The following UBE2G2 variants were observed in gnomAD, a reference collection of about 807,000 sequenced individuals.
UBE2G2 encodes the protein ubiquitin conjugating enzyme E2 G2.
Under a neutral mutation model 23.0 loss-of-function variants are expected in UBE2G2, and 10 were observed. The observed-to-expected ratio is 0.43, with a 90% confidence interval of 0.27 to 0.74. UBE2G2 has a LOEUF of 0.74. UBE2G2 is among the 30% of genes least tolerant of loss of function. UBE2G2 has a pLI of 0.19. For missense variants in UBE2G2, 150 were observed against 218.3 expected, an observed-to-expected ratio of 0.69 and a Z score of 1.97; for synonymous variants, 86 against 81.3, an observed-to-expected ratio of 1.06 and a Z score of -0.31.
At chr21:44,785,293 A>G (rs1193855830) in intron 3 of UBE2G2, among the ~76,000 whole-genome samples, 2 of 152,200 alleles carry the variant, frequency 1.3e-5, no homozygotes, top group Non-Finnish European at 2.9e-5. Flanking sequence ...TGAGCGTGGC[A>G]GGGTCAGCAG....
chr21:44,784,175 G>C (rs1461270178), intron 3 of UBE2G2, among the ~76,000 whole-genome samples: 2 of 151,898 alleles, frequency 1.3e-5, no homozygotes, highest in African/African-American at 4.8e-5. Flanking sequence ...GGGAGGGGAG[G>C]GGAGGGGAGG....
At chr21:44,781,118 T>C (rs1297894684) in intron 3 of UBE2G2, among the ~76,000 whole-genome samples, 1 of 152,192 alleles carries the variant, frequency 6.6e-6, no homozygotes, top group African/African-American at 2.4e-5. Flanking sequence ...TGATAAAGAA[T>C]TAAAATCACA....
At chr21:44,787,788 G>C (rs2083007800) in intron 3 of UBE2G2, 132 bp downstream of exon 3, 5 of 957,338 alleles carry the variant, frequency 5.2e-6, no homozygotes, top group Non-Finnish European at 7.8e-6. Flanking sequence ...GCCTAGACGA[G>C]AGCTGGGCAT....
intron 3 of UBE2G2, among the ~76,000 whole-genome samples, chr21:44,777,734 G>C (rs1444524247): frequency 1.3e-5 from 2 of 152,146 alleles, no homozygotes; most frequent in African/African-American, 4.8e-5. Context: ...TCTGAGCCTG[G>C]GAGGTGGAGG....
At position 44,801,781 on chromosome 21, in the gene UBE2G2, C is replaced by T. The variant is rs2146413600; in HGVS notation, c.-33G>A. On this transcript the variant is annotated 5_prime_UTR_variant, in exon 1 of 6. Transcript: ENST00000345496. ...CAACAGCTGCGCCGAGCGACCTCGC[C>T]TCAGCCGCGCGCGTGCCTCCTGCCC... 4 of 1,506,804 alleles carry T rather than the reference C, an allele frequency of 2.7e-6. No homozygotes were observed. Among genetic ancestry groups the T allele is most frequent in the East Asian group, 5.7e-5 (2 of 35,220 alleles). The allele number at this position is 1,506,804 out of a possible 1,614,324, so 93.3% of individuals were successfully genotyped here.
chr21:44,773,796 C>T (rs1294880715), intron 4 of UBE2G2, 109 bp from the exon 5 acceptor site: 51 of 1,444,944 alleles, frequency 3.5e-5, no homozygotes, highest in Middle Eastern at 3.6e-4. Context: ...ACACAGCAAC[C>T]AAGCTGTTTG....
chr21:44,775,024 C>T (rs1555960405), intron 4 of UBE2G2: 3 of 273,956 alleles, frequency 1.1e-5, no homozygotes, highest in Non-Finnish European at 2.2e-5. Context: ...CCCACCTGTC[C>T]TTTGCACTGT....
At chr21:44,788,289 T>TG (rs1241482118) in intron 1 of UBE2G2, among the ~76,000 whole-genome samples, 194 bp from the exon 2 acceptor site, 1 of 147,082 alleles carries the variant, frequency 6.8e-6, no homozygotes, top group Non-Finnish European at 1.5e-5. Flanking sequence ...GTTTTTTTGT[T>TG]TTTTTTTTGT....
Position 44,768,665 on chromosome 21 carries a change from A to C in UBE2G2, c.*2712T>G, listed in dbSNP as rs991930069. On this transcript the variant is annotated 3_prime_UTR_variant, in exon 6 of 6. Transcript: ENST00000345496. ...TCTCATCGCAACCAACCGTGACCAC[A>C]GAGGACCACAGAGGAGTGATGACAG... The C allele has an allele frequency of 6.6e-6, 1 of 152,286 alleles. No homozygotes were observed. The highest frequency in any genetic ancestry group is 2.4e-5 in the African/African-American group (1 of 41,472). 9.4% of individuals were successfully genotyped at this position (152,286 alleles called of 1,614,324 possible).
At chr21:44,785,236 C>T (rs2082986427) in intron 3 of UBE2G2, among the ~76,000 whole-genome samples, 1 of 152,204 alleles carries the variant, frequency 6.6e-6, no homozygotes, top group Non-Finnish European at 1.5e-5. Flanking sequence ...CCTGGTGTGC[C>T]GCCATCCCAG....
In UBE2G2 at chr21:44,771,500, A is replaced by C. The variant is rs782592770; in HGVS notation, c.386-11T>G. ...TTTCGTCATTGGGCTCTGAAAGAAA[A>C]GGGAACACCCTCCATGTAAAAGGGA... On this transcript the variant is annotated splice_polypyrimidine_tract_variant and intron_variant, in intron 5 of 5. Coordinates refer to ENST00000345496, the MANE Select transcript of UBE2G2 (RefSeq NM_003343.6). The surrounding 1 kb of genome is among the most constrained non-coding windows in gnomAD (Gnocchi z 4.6). 1.1e-5 allele frequency: 18 copies of C among 1,608,996 alleles called. No individual in the cohort carries two copies. The highest frequency in any genetic ancestry group is 1.5e-5 in the Non-Finnish European group (18 of 1,179,768).
At chr21:44,788,570 T>G (rs2083018759) in intron 1 of UBE2G2, among the ~76,000 whole-genome samples, 1 of 152,190 alleles carries the variant, frequency 6.6e-6, no homozygotes, top group South Asian at 2.1e-4. Flanking sequence ...ATTACAGGCA[T>G]GAGCCACCGC....
intron 1 of UBE2G2, among the ~76,000 whole-genome samples, chr21:44,788,315 A>G (rs1555962445): frequency 2.3e-5 from 3 of 129,588 alleles, no homozygotes; most frequent in Admixed American, 8.5e-5. Flanking sequence ...TTTGAGACGG[A>G]GTCTCACTCT....
rs1555960729 is a variant in UBE2G2, at chr21:44,777,437, T to C, written c.126-20A>G. The C allele has an allele frequency of 1.1e-5, 17 of 1,604,372 alleles. No homozygotes were observed. The Admixed American group carries it at 2.7e-4, about 25-fold the overall frequency. ...GGGCCCCTAGAAGATATAAAATACG[T>C]AGACTGAACTTCAAAGTACATTTTT... On this transcript the variant is annotated intron_variant, in intron 3 of 5. Transcript: ENST00000345496.
At chr21:44,790,244 T>C (rs782559277) in intron 1 of UBE2G2, among the ~76,000 whole-genome samples, 3 of 152,198 alleles carry the variant, frequency 2.0e-5, no homozygotes, top group Non-Finnish European at 4.4e-5. Flanking sequence ...CATGCACCAC[T>C]GATGGGAATG....
At chr21:44,777,441 C>T (rs1279232503) in intron 3 of UBE2G2, 24 bp from the exon 4 acceptor site, 7 of 1,604,936 alleles carry the variant, frequency 4.4e-6, no homozygotes, top group East Asian at 2.2e-5. Context: ...AATACGTAGA[C>T]TGAACTTCAA....
Position 44,801,816 on chromosome 21 carries a change from G to T in UBE2G2, c.-68C>A. On this transcript the variant is annotated 5_prime_UTR_variant, in exon 1 of 6. Coordinates refer to ENST00000345496, the MANE Select transcript of UBE2G2 (RefSeq NM_003343.6). ...CGCGTGCCTCCTGCCCCGACACCGGGGACTGCTTCCGGGCCACCGTCGCGG... is the reference window on the plus strand; with the variant it reads ...CGCGTGCCTCCTGCCCCGACACCGGTGACTGCTTCCGGGCCACCGTCGCGG... The T allele has an allele frequency of 6.7e-7, 1 of 1,482,510 alleles. No individual in the cohort carries two copies. The highest frequency in any genetic ancestry group is 2.9e-5 in the East Asian group (1 of 34,246). The allele number at this position is 1,482,510 out of a possible 1,614,324, so 91.8% of individuals were successfully genotyped here.
rs377223028 is a variant in UBE2G2 at position 44,787,968 on chromosome 21, G to A, written c.80-3C>T. Reference sequence around the variant, plus strand: ...AAAGTTCTCTTCATTCATGGGGCCTGTAGGGTGAGAAAAAATTTCACAACA... The same window carrying A: ...AAAGTTCTCTTCATTCATGGGGCCTATAGGGTGAGAAAAAATTTCACAACA... On this transcript the variant is annotated splice_polypyrimidine_tract_variant and splice_region_variant and intron_variant, in intron 2 of 5. Transcript: ENST00000345496. 4.3e-6 allele frequency: 7 copies of A among 1,613,110 alleles called. No individual in the cohort carries two copies. The highest frequency in any genetic ancestry group is 1.3e-5 in the African/African-American group (1 of 74,862).
At chr21:44,778,389 A>G (rs1555960872) in intron 3 of UBE2G2, among the ~76,000 whole-genome samples, 1 of 152,252 alleles carries the variant, frequency 6.6e-6, no homozygotes, top group Non-Finnish European at 1.5e-5. Context: ...TCATGGGCAC[A>G]GACACAGGCA....
Sources: gnomAD v4.1 joint callset for allele counts (sites outside exome capture counted in the v4.1 genomes callset) on GRCh38, gnomAD v4.1.1 for gene constraint, Gnocchi (gnomAD v3.1) non-coding constraint, MANE v1.5 for transcripts, NCBI Gene and HGNC (gene_info 2026-07-23, HGNC 2026-07-21) for gene names.